Variants in SAMD3 observed in about 807,000 individuals in gnomAD.
SAMD3 encodes sterile alpha motif domain-containing protein 3.
SAMD3 carries 63 observed loss-of-function variants against 58.5 expected under a neutral mutation model. The ratio of observed to expected loss-of-function variants is 1.08; its 90% CI spans 0.88 to 1.33. The LOEUF (loss-of-function observed/expected upper bound fraction) is 1.33. Ranked by LOEUF, SAMD3 falls within the 40% of genes most tolerant of loss-of-function variation. The pLI, the probability that SAMD3 is intolerant of heterozygous loss-of-function variation, is 0.00. For synonymous variants in SAMD3, 220 were observed against 210.3 expected (o/e 1.05, Z -0.40); for missense variants, 604 against 608.4 (o/e 0.99, Z 0.08).
Position 130,209,600 on chromosome 6 carries a change from T to C in SAMD3, c.278A>G (p.Asp93Gly). 4 of 1,607,552 alleles carry C rather than the reference T, an allele frequency of 2.5e-6. No homozygotes were observed. Among genetic ancestry groups the C allele is most frequent in the Non-Finnish European group, 2.6e-6 (3 of 1,174,184 alleles). ...CCTGGCTGGACTGGAGGACTCTTCA[T>C]CCCTGTAACTAAGAAAGAAGAGGTG... ...MQTEAARDYRDEESSSPARHG... is the reference protein window; with the variant it reads ...MQTEAARDYRGEESSSPARHG... Residue 93 changes from aspartate (D) to glycine (G), a missense_variant, in exon 5 of 12, where the codon GAT (aspartate) becomes GGT (glycine). Transcript: ENST00000439090.
intron 2 of SAMD3, among the ~76,000 whole-genome samples, chr6:130,242,004 T>C (rs564071056): frequency 6.6e-6 from 1 of 152,298 alleles, no homozygotes; most frequent in African/African-American, 2.4e-5. Flanking sequence ...TCCATTCGTT[T>C]AATGTAGCTC....
upstream of SAMD3, among the ~76,000 whole-genome samples, chr6:130,224,100 C>G (rs959793566): frequency 6.6e-6 from 1 of 151,844 alleles, no homozygotes; most frequent in African/African-American, 2.4e-5. Flanking sequence ...TCAGGCCGCT[C>G]AGTGGCCTGA....
chr6:130,286,706 G>A (rs1394593119), intron 2 of SAMD3, among the ~76,000 whole-genome samples: 1 of 151,950 alleles, frequency 6.6e-6, no homozygotes, highest in African/African-American at 2.4e-5. Flanking sequence ...CCCTAGAGAA[G>A]CTCATTCTTT....
intron 4 of SAMD3, among the ~76,000 whole-genome samples, chr6:130,211,926 C>T (rs1192924168): frequency 6.7e-6 from 1 of 149,884 alleles, no homozygotes; most frequent in Non-Finnish European, 1.5e-5. Flanking sequence ...AATGCCATCA[C>T]AGACTCTTTA....
intron 1 of SAMD3, among the ~76,000 whole-genome samples, chr6:130,346,043 A>T (rs1427985599): frequency 6.6e-6 from 1 of 152,234 alleles, no homozygotes; most frequent in Non-Finnish European, 1.5e-5. Context: ...GCAGCCATGG[A>T]AGTTTTCAGA....
At chr6:130,324,446 T>A (rs1009538553) in intron 1 of SAMD3, among the ~76,000 whole-genome samples, 2 of 152,262 alleles carry the variant, frequency 1.3e-5, no homozygotes, top group African/African-American at 4.8e-5. Context: ...TATGGTTGAA[T>A]GAATTTGTGT....
chr6:130,227,515 C>T (rs1001666509), upstream of SAMD3, among the ~76,000 whole-genome samples: 34 of 152,102 alleles, frequency 2.2e-4, no homozygotes, highest in Admixed American at 8.5e-4. Flanking sequence ...TTGCCAGGCA[C>T]GGTGGCTCAT....
rs73614554 is a variant in SAMD3, at chr6:130,215,627, A to G, written c.-21-333T>C. The G allele has an allele frequency of 2.0e-3, 2,810 of 1,388,670 alleles. 41 individuals carry two copies. In the African/African-American group the frequency reaches 0.033, roughly 16 times the overall value. 86.0% of individuals were successfully genotyped at this position (1,388,670 alleles called of 1,614,324 possible). ...ACCCAATCCTGTACCATTAACACCCAGGTTTCTTCACAAAGAAAAGAAAGG... is the reference window on the plus strand; with the variant it reads ...ACCCAATCCTGTACCATTAACACCCGGGTTTCTTCACAAAGAAAAGAAAGG... On this transcript the variant is annotated intron_variant, in intron 2 of 11. Transcript: ENST00000439090.
At chr6:130,208,623 C>T (rs1276464247) in intron 5 of SAMD3, among the ~76,000 whole-genome samples, 2 of 152,120 alleles carry the variant, frequency 1.3e-5, no homozygotes, top group African/African-American at 2.4e-5. Flanking sequence ...GAATCTAATG[C>T]CTGATGATCT....
intron 1 of SAMD3, among the ~76,000 whole-genome samples, chr6:130,352,397 T>C (rs2115037342): frequency 6.6e-6 from 1 of 151,972 alleles, no homozygotes; most frequent in East Asian, 1.9e-4. Context: ...ACTTAAGGAG[T>C]TTTGAATTGG....
intron 1 of SAMD3, among the ~76,000 whole-genome samples, chr6:130,319,718 A>G (rs1484833163): frequency 6.6e-6 from 1 of 152,226 alleles, no homozygotes; most frequent in Non-Finnish European, 1.5e-5. Context: ...GGCATGTAGA[A>G]AAATATAGAG....
chr6:130,182,576 G>A (rs938808993), intron 7 of SAMD3, among the ~76,000 whole-genome samples: 4 of 149,410 alleles, frequency 2.7e-5, no homozygotes, highest in Middle Eastern at 3.4e-3. Flanking sequence ...GAGAGGGAGG[G>A]AGGGGTAAAT....
upstream of SAMD3, chr6:130,365,553 G>C (rs1778114472): frequency 1.0e-6 from 1 of 985,264 alleles, no homozygotes; most frequent in Non-Finnish European, 1.2e-6. Flanking sequence ...TGCCTGCTCC[G>C]GGAATACTGC....
At position 130,214,356 on chromosome 6, in the gene SAMD3, G is replaced by T; in HGVS notation, c.250C>A (p.Gln84Lys). 6.3e-7 allele frequency: 1 copy of T among 1,596,468 alleles called. No individual in the cohort carries two copies. The highest frequency in any genetic ancestry group is 8.5e-7 in the Non-Finnish European group (1 of 1,173,808). ...ENPKKAALVMQTEAARDYRDE... is the reference protein window; with the variant it reads ...ENPKKAALVMKTEAARDYRDE... ...ACTCACTCTCGAGCTGCTTCTGTTT[G>T]CATGACCAGGGCTGCCTTTTTGGGG... Residue 84 changes from glutamine (Q) to lysine (K), a missense_variant, in exon 4 of 12, where the codon CAA (glutamine) becomes AAA (lysine). Physicochemically the swap from Gln to Lys is moderately conservative, Grantham distance 53. Transcript: ENST00000439090.
chr6:130,146,087 A>G lies in SAMD3; in HGVS notation c.1118T>C (p.Phe373Ser). The G allele has an allele frequency of 1.2e-6, 2 of 1,602,118 alleles. No individual in the cohort carries two copies. Among genetic ancestry groups the G allele is most frequent in the Non-Finnish European group, 1.7e-6 (2 of 1,173,660 alleles). The stretch of plus-strand genomic sequence containing the variant: ...ATTGATTGGATTGTCCACCACTGAA[A>G]AAGAAGTCAGTATATTTTCTGAATA... ...ESYSENILTS[F>S]SVVDNPINIV... Residue 373 changes from phenylalanine (F) to serine (S), a missense_variant, in exon 10 of 12, where the codon TTT becomes TCT. Phe to Ser is a radical substitution (Grantham distance 155). Transcript: ENST00000439090.
In SAMD3 at chr6:130,214,357, C is replaced by G. The variant is rs775196123; in HGVS notation, c.249G>C (p.Met83Ile). The G allele has an allele frequency of 6.3e-7, 1 of 1,596,060 alleles. No individual in the cohort carries two copies. Among genetic ancestry groups the G allele is most frequent in the Non-Finnish European group, 8.5e-7 (1 of 1,173,752 alleles). Residue 83 changes from methionine to isoleucine, a missense_variant, in exon 4 of 12, where the codon ATG becomes ATC. Coordinates refer to ENST00000439090, the MANE Select transcript of SAMD3 (RefSeq NM_001017373.4). ...CTCACTCTCGAGCTGCTTCTGTTTG[C>G]ATGACCAGGGCTGCCTTTTTGGGGT... Reference protein sequence around the residue: ...PENPKKAALVMQTEAARDYRD... With the variant: ...PENPKKAALVIQTEAARDYRD...
upstream of SAMD3, among the ~76,000 whole-genome samples, chr6:130,227,299 C>T (rs541825491): frequency 2.6e-5 from 4 of 152,262 alleles, no homozygotes; most frequent in African/African-American, 4.8e-5. Flanking sequence ...GTGTGAGAAT[C>T]GCCTTCATTT....
intron 5 of SAMD3, among the ~76,000 whole-genome samples, chr6:130,195,420 A>T (rs1390107729): frequency 6.6e-6 from 1 of 151,998 alleles, no homozygotes; most frequent in Non-Finnish European, 1.5e-5. Flanking sequence ...TCTCCTTACA[A>T]TTCCCCCATT....
At chr6:130,290,323 A>T (rs1184153241) in intron 2 of SAMD3, among the ~76,000 whole-genome samples, 2 of 152,224 alleles carry the variant, frequency 1.3e-5, no homozygotes, top group Non-Finnish European at 2.9e-5. Context: ...CTGGAAATTT[A>T]GGCAGGATTT....
Sources: gnomAD v4.1 joint callset for allele counts (sites outside exome capture counted in the v4.1 genomes callset) on GRCh38, gnomAD v4.1.1 for gene constraint, MANE v1.5 for transcripts, NCBI Gene and HGNC (gene_info 2026-07-23, HGNC 2026-07-21) for gene names.